Variants in MTUS1 observed in about 807,000 individuals in gnomAD.
MTUS1 encodes the protein microtubule-associated tumor suppressor 1.
In MTUS1, 109 loss-of-function variants were observed where a neutral mutation model predicts 120.8. The observed-to-expected ratio is 0.90, with a 90% CI of 0.77 to 1.06. MTUS1 has a LOEUF of 1.06. Among genes scored for constraint, MTUS1 ranks in the 50% least tolerant of loss-of-function variants. The probability of loss-of-function intolerance (pLI) is 0.00; values close to 1 mark genes in which losing one functional copy is unlikely to be tolerated. For synonymous variants in MTUS1, 737 were observed against 550.5 expected (o/e 1.34, Z -4.74); for missense variants, 2,210 against 1,486.3 (o/e 1.49, Z -8.01).
intron 1 of MTUS1, among the ~76,000 whole-genome samples, chr8:17,798,585 G>T (rs2131618857): frequency 6.6e-6 from 1 of 152,308 alleles, no homozygotes; most frequent in South Asian, 2.1e-4. Flanking sequence ...GCCCGCCTTG[G>T]CTTCCCAAAG....
At chr8:17,715,736 C>A in intron 5 of MTUS1, 31 bp downstream of exon 5, 1 of 1,580,256 alleles carries the variant, frequency 6.3e-7, no homozygotes, top group Non-Finnish European at 8.6e-7. Flanking sequence ...GCGTCTTGCC[C>A]TCCCTCTTCA....
chr8:17,792,053 G>A lies in MTUS1; in HGVS notation c.-155+9008C>T, dbSNP rs561383284. Among the ~76,000 whole-genome samples, 3 of 152,074 alleles carry A rather than the reference G, an allele frequency of 2.0e-5. 1 individual carries two copies. In the South Asian group the frequency reaches 6.2e-4, roughly 32 times the overall value. The stretch of plus-strand genomic sequence containing the variant: ...AAATCTCAGACATGAACCCAATTTT[G>A]CCTGTTAAGTCTGTGCACTCTCTAT... On this transcript the variant is annotated intron_variant, in intron 1 of 14. Transcript: ENST00000693296.
chr8:17,698,802 G>A (rs1482671748), intron 6 of MTUS1, among the ~76,000 whole-genome samples: 1 of 152,084 alleles, frequency 6.6e-6, no homozygotes, highest in African/African-American at 2.4e-5. Context: ...CCAATAACCT[G>A]TCCAGGGTTC....
chr8:17,744,599 A>G (rs1333487393), intron 2 of MTUS1, among the ~76,000 whole-genome samples: 1 of 150,062 alleles, frequency 6.7e-6, no homozygotes, highest in Admixed American at 6.6e-5. Flanking sequence ...CTTTTAGTAG[A>G]GATGGCTAAT....
chr8:17,736,341 C>G (rs1035294794), intron 3 of MTUS1, among the ~76,000 whole-genome samples: 4 of 152,172 alleles, frequency 2.6e-5, no homozygotes, highest in African/African-American at 9.7e-5. Context: ...TCCATGTCCT[C>G]CAGCCCCCAC....
intron 8 of MTUS1, among the ~76,000 whole-genome samples, chr8:17,659,323 C>T (rs1436130674): frequency 6.6e-6 from 1 of 152,118 alleles, no homozygotes; most frequent in Non-Finnish European, 1.5e-5. Context: ...GGGAGTGGCA[C>T]TCAGGATAGT....
chr8:17,747,232 C>CTA lies in MTUS1; in HGVS notation c.2092-3434_2092-3433insTA, dbSNP rs1554519253. On this transcript the variant is annotated intron_variant, in intron 2 of 14. Coordinates refer to ENST00000693296, the MANE Select transcript of MTUS1 (RefSeq NM_001363059.2). ...TTCCATTCTCCCAGCTCCCACCACA[C>CTA]CTACCTAGAGTCCCCTAAATTAGAA... is the stretch of plus-strand genomic sequence containing the variant. Among the ~76,000 whole-genome samples the CTA allele has an allele frequency of 8.0e-4, 121 of 152,132 alleles. No homozygotes were observed. The Middle Eastern group carries it at 0.014, about 17-fold the overall frequency.
chr8:17,791,593 C>T (rs766706809), intron 1 of MTUS1, among the ~76,000 whole-genome samples: 11 of 152,124 alleles, frequency 7.2e-5, no homozygotes, highest in Non-Finnish European at 1.2e-4. Context: ...TTTGAAAACA[C>T]AGTTCAAATG....
intron 2 of MTUS1, 152 bp downstream of exon 2, chr8:17,753,565 C>T (rs6586642): frequency 0.76 from 434,223 of 568,348 alleles, 171,033 homozygotes; most frequent in Non-Finnish European, 0.83. Flanking sequence ...ATTAACACCC[C>T]AGTACTGACA....
chr8:17,650,838 A>C (rs752389357), intron 12 of MTUS1, among the ~76,000 whole-genome samples: 5 of 152,338 alleles, frequency 3.3e-5, no homozygotes, highest in South Asian at 2.1e-4. Flanking sequence ...TAAACCATTC[A>C]AAATTTATGC....
At chr8:17,650,220 T>A (rs956677054) in intron 12 of MTUS1, among the ~76,000 whole-genome samples, 1 of 152,214 alleles carries the variant, frequency 6.6e-6, no homozygotes, top group Admixed American at 6.5e-5. Context: ...CATGTTATTG[T>A]ATCAAGAGAA....
At chr8:17,768,410 C>G (rs1306238346) in intron 1 of MTUS1, among the ~76,000 whole-genome samples, 1 of 152,066 alleles carries the variant, frequency 6.6e-6, no homozygotes, top group Non-Finnish European at 1.5e-5. Context: ...GAGACAGATA[C>G]TAGTTTAATT....
intron 1 of MTUS1, among the ~76,000 whole-genome samples, chr8:17,779,841 A>T (rs2050734410): frequency 6.6e-6 from 1 of 152,182 alleles, no homozygotes; most frequent in Non-Finnish European, 1.5e-5. Flanking sequence ...TCTTGTTTCA[A>T]ATACACTCCG....
At chr8:17,775,885 A>G (rs1039655913) in intron 1 of MTUS1, among the ~76,000 whole-genome samples, 8 of 152,232 alleles carry the variant, frequency 5.3e-5, no homozygotes, top group African/African-American at 1.9e-4. Context: ...ATGACTACGC[A>G]GGCATTTCAG....
intron 2 of MTUS1, among the ~76,000 whole-genome samples, chr8:17,748,691 C>A (rs1445110277): frequency 1.3e-5 from 2 of 152,164 alleles, no homozygotes; most frequent in African/African-American, 2.4e-5. Context: ...CCTGTACTCA[C>A]TTGCCCACAC....
intron 1 of MTUS1, among the ~76,000 whole-genome samples, chr8:17,757,669 G>A (rs910509005): frequency 6.6e-6 from 1 of 152,086 alleles, no homozygotes; most frequent in Admixed American, 6.6e-5. Flanking sequence ...AGGGACTACA[G>A]GTGTACACCT....
chr8:17,768,224 G>A (rs1007955465), intron 1 of MTUS1, among the ~76,000 whole-genome samples: 6 of 152,210 alleles, frequency 3.9e-5, no homozygotes, highest in Non-Finnish European at 7.3e-5. Flanking sequence ...TAAACTAGGA[G>A]AGTTTTATAA....
chr8:17,801,142 C>T (rs1044919879), upstream of MTUS1, among the ~76,000 whole-genome samples: 6 of 151,650 alleles, frequency 4.0e-5, no homozygotes, highest in African/African-American at 1.2e-4. Flanking sequence ...GCGGGGTCGC[C>T]GAGAACCCGC....
At chr8:17,659,558 G>A (rs943866167) in intron 8 of MTUS1, among the ~76,000 whole-genome samples, 4 of 152,058 alleles carry the variant, frequency 2.6e-5, no homozygotes, top group African/African-American at 9.7e-5. Flanking sequence ...GCTGGGCGTG[G>A]TGGTGTGTGC....
Sources: gnomAD v4.1 joint callset for allele counts (sites outside exome capture counted in the v4.1 genomes callset) on GRCh38, gnomAD v4.1.1 for gene constraint, MANE v1.5 for transcripts, NCBI Gene and HGNC (gene_info 2026-07-23, HGNC 2026-07-21) for gene names.